Variants in CLTA observed in about 807,000 individuals in gnomAD.
CLTA encodes clathrin light chain A.
A neutral mutation model predicts 26.9 loss-of-function variants in CLTA; 9 were observed. That is an observed-to-expected ratio of 0.33 (90% CI 0.20 to 0.58). CLTA has a LOEUF of 0.58. CLTA is among the 20% of genes least tolerant of loss of function. The pLI is 0.85. For missense variants in CLTA, 278 were observed against 294.2 expected, an observed-to-expected ratio of 0.94 and a Z score of 0.40; for synonymous variants, 120 against 115.5, an observed-to-expected ratio of 1.04 and a Z score of -0.25.
At chr9:36,195,060 A>C (rs905403824) in intron 1 of CLTA, among the ~76,000 whole-genome samples, 1 of 152,308 alleles carries the variant, frequency 6.6e-6, no homozygotes, top group East Asian at 1.9e-4. Context: ...TGGTATGTCA[A>C]TTGTACTATA....
chr9:36,211,546 A>T, intron 4 of CLTA, 57 bp from the exon 5 acceptor site: 1 of 1,539,420 alleles, frequency 6.5e-7, no homozygotes, highest in Admixed American at 1.9e-5. Flanking sequence ...CAAGGCAGCC[A>T]CCAGGTTGCT....
At chr9:36,192,179 A>C (rs1826773825) in intron 1 of CLTA, among the ~76,000 whole-genome samples, 1 of 152,194 alleles carries the variant, frequency 6.6e-6, no homozygotes, top group South Asian at 2.1e-4. Flanking sequence ...AAAAAATTCC[A>C]ACTAAGGGAG....
At chr9:36,197,617 A>G (rs982697014) in intron 2 of CLTA, 29 bp downstream of exon 2, 11 of 1,532,170 alleles carry the variant, frequency 7.2e-6, no homozygotes, top group Non-Finnish European at 9.9e-6. Flanking sequence ...CTGTTCATTG[A>G]TAGTGATTGA....
At position 36,190,946 on chromosome 9, in the gene CLTA, G is replaced by T. The variant is rs1357357426; in HGVS notation, c.-111G>T. On this transcript the variant is annotated 5_prime_UTR_variant, in exon 1 of 5. Coordinates refer to ENST00000345519, the MANE Select transcript of CLTA (RefSeq NM_001833.4). ...CCGCTTTACCCGTCTCCCTCCTGGC[G>T]CTTGTCCTCCTCTCCCAGTCGGCAC... The T allele has an allele frequency of 2.1e-6, 3 of 1,428,510 alleles. No individual in the cohort carries two copies. Among genetic ancestry groups the T allele is most frequent in the African/African-American group, 3.0e-5 (2 of 67,250 alleles). The allele number at this position is 1,428,510 out of a possible 1,614,324, so 88.5% of individuals were successfully genotyped here.
intron 4 of CLTA, among the ~76,000 whole-genome samples, chr9:36,207,389 T>C (rs536448624): frequency 6.6e-6 from 1 of 152,360 alleles, no homozygotes; most frequent in South Asian, 2.1e-4. Flanking sequence ...CACTTGTGCT[T>C]GTCAGCTCTT....
At chr9:36,211,564 G>T (rs1828041443) in intron 4 of CLTA, 39 bp from the exon 5 acceptor site, 3 of 1,561,426 alleles carry the variant, frequency 1.9e-6, no homozygotes, top group Non-Finnish European at 2.6e-6. Context: ...GCTCAAAGGG[G>T]GTTCTGCATA....
intron 1 of CLTA, among the ~76,000 whole-genome samples, chr9:36,195,553 G>T (rs1826973598): frequency 6.6e-6 from 1 of 152,004 alleles, no homozygotes; most frequent in Admixed American, 6.5e-5. Flanking sequence ...TTTAAAACAT[G>T]ATCAAGCACA....
chr9:36,197,627 A>G (rs2132875921), intron 2 of CLTA, 39 bp downstream of exon 2: 1 of 1,478,186 alleles, frequency 6.8e-7, no homozygotes. Flanking sequence ...ATAGTGATTG[A>G]GAATCTTCCT....
intron 3 of CLTA, among the ~76,000 whole-genome samples, chr9:36,202,761 G>A (rs937133968): frequency 1.3e-5 from 2 of 152,084 alleles, no homozygotes; most frequent in Admixed American, 1.3e-4. Context: ...CTTGTTTAAA[G>A]TGAAGTATCA....
chr9:36,196,998 ACC>A (rs903256482), intron 1 of CLTA, among the ~76,000 whole-genome samples: 2 of 152,034 alleles, frequency 1.3e-5, no homozygotes, highest in African/African-American at 2.4e-5. Context: ...GCATGGCGAA[ACC>A]CCCTTCCTAC....
Position 36,192,377 on chromosome 9 carries a change from C to G in CLTA, c.217+1104C>G, listed in dbSNP as rs144538662. Among the ~76,000 whole-genome samples, 5 of 152,334 alleles carry G rather than the reference C, an allele frequency of 3.3e-5. No homozygotes were observed. The East Asian group carries it at 9.6e-4, about 29-fold the overall frequency. On this transcript the variant is annotated intron_variant, in intron 1 of 4. Coordinates refer to ENST00000345519, the MANE Select transcript of CLTA (RefSeq NM_001833.4). ...ATTCAGATCCAGCAGTCTCAAGTTA[C>G]TGTGCCAGCCAGGCGGAACCTTTTG...
In CLTA at chr9:36,212,013, G is replaced by C; in HGVS notation, c.*239G>C. 1 of 662,874 alleles carries C rather than the reference G, an allele frequency of 1.5e-6. No homozygotes were observed. The highest frequency in any genetic ancestry group is 2.9e-5 in the East Asian group (1 of 34,556). 41.1% of individuals were successfully genotyped at this position (662,874 alleles called of 1,614,324 possible). ...AGCTTCCCAAGAGTAGCCTCAACCTGTGCTTCTGTGCATTATTCTGAGAAT... is the reference window on the plus strand; with the variant it reads ...AGCTTCCCAAGAGTAGCCTCAACCTCTGCTTCTGTGCATTATTCTGAGAAT... On this transcript the variant is annotated 3_prime_UTR_variant, in exon 5 of 5. Transcript: ENST00000345519.
intron 1 of CLTA, among the ~76,000 whole-genome samples, chr9:36,195,180 A>G (rs1392450116): frequency 6.6e-6 from 1 of 152,234 alleles, no homozygotes; most frequent in East Asian, 1.9e-4. Flanking sequence ...TTAAAGAGAG[A>G]CATTTAAAAA....
upstream of CLTA, chr9:36,190,898 G>C: frequency 7.7e-7 from 1 of 1,303,578 alleles, no homozygotes; most frequent in Non-Finnish European, 1.0e-6. Flanking sequence ...CGCCTAGACC[G>C]ACCGGATACA....
intron 2 of CLTA, 72 bp from the exon 3 acceptor site, chr9:36,198,907 C>T: frequency 1.2e-6 from 1 of 848,454 alleles, no homozygotes. Flanking sequence ...ACCAGGGGTT[C>T]TAACTCAGGT....
chr9:36,194,648 T>A (rs566493863), intron 1 of CLTA, among the ~76,000 whole-genome samples: 3 of 152,194 alleles, frequency 2.0e-5, no homozygotes, highest in Non-Finnish European at 2.9e-5. Flanking sequence ...GTTTCTGGAA[T>A]GTGGAAAGTT....
At chr9:36,196,092 G>A (rs376296631) in intron 1 of CLTA, among the ~76,000 whole-genome samples, 7 of 152,020 alleles carry the variant, frequency 4.6e-5, no homozygotes, top group South Asian at 2.1e-4. Flanking sequence ...CCTGGCCAAC[G>A]TGGTGAAACC....
rs563859437 is a variant in CLTA at position 36,195,813 on chromosome 9, C to A, written c.218-1738C>A. Among the ~76,000 whole-genome samples, 304 of 151,130 alleles carry A rather than the reference C, an allele frequency of 2.0e-3. 2 individuals are homozygous for A. Among genetic ancestry groups the A allele is most frequent in the Non-Finnish European group, 2.1e-3 (140 of 67,956 alleles). ...GAAACCTCGTCTCTACTAAAAAATA[C>A]AAAAATTAGCCGGGCATGGTGGCAC... On this transcript the variant is annotated intron_variant, in intron 1 of 4. Transcript: ENST00000345519.
chr9:36,201,110 T>TG, intron 3 of CLTA, among the ~76,000 whole-genome samples: 1 of 152,332 alleles, frequency 6.6e-6, no homozygotes, highest in East Asian at 1.9e-4. Flanking sequence ...ATTGGGTACT[T>TG]GGGGAATACT....
Sources: gnomAD v4.1 joint callset for allele counts (sites outside exome capture counted in the v4.1 genomes callset) on GRCh38, gnomAD v4.1.1 for gene constraint, MANE v1.5 for transcripts, NCBI Gene and HGNC (gene_info 2026-07-23, HGNC 2026-07-21) for gene names.